Variants in CUL5 observed in about 807,000 individuals in gnomAD.
CUL5 encodes the protein cullin-5.
In CUL5, 26 loss-of-function variants were observed where a neutral mutation model predicts 108.8. The ratio of observed to expected loss-of-function variants is 0.24; its 90% confidence interval spans 0.18 to 0.33. CUL5 has a LOEUF of 0.33. CUL5 is among the 10% of genes least tolerant of loss of function. The pLI is 1.00. For missense variants in CUL5, 524 were observed against 909.2 expected, an observed-to-expected ratio of 0.58 and a Z score of 5.45; for synonymous variants, 334 against 298.0, an observed-to-expected ratio of 1.12 and a Z score of -1.25.
At chr11:108,078,024 C>T in intron 10 of CUL5, 152 bp from the exon 11 acceptor site, 1 of 485,356 alleles carries the variant, frequency 2.1e-6, no homozygotes, top group East Asian at 3.6e-5. Flanking sequence ...TGACAAAGAA[C>T]TTGCTAAAGT....
rs1215086602 is a variant in CUL5 at position 108,009,080 on chromosome 11, C to T, written c.-269C>T. 1.1e-5 allele frequency: 6 copies of T among 543,752 alleles called. No homozygotes were observed. Among genetic ancestry groups the T allele is most frequent in the Non-Finnish European group, 3.3e-6 (1 of 305,090 alleles). The allele number at this position is 543,752 out of a possible 1,614,324, so 33.7% of individuals were successfully genotyped here. ...AAGTCAGGTCGGCTCCCGTTACCTT[C>T]TCAGCATTCGCCGTTCCGGTCTTCC... is the stretch of plus-strand genomic sequence containing the variant. On this transcript the variant is annotated 5_prime_UTR_variant, in exon 1 of 19. Transcript: ENST00000393094.
intron 10 of CUL5, among the ~76,000 whole-genome samples, chr11:108,075,947 T>C (rs553604762): frequency 5.6e-4 from 85 of 152,174 alleles, no homozygotes; most frequent in Non-Finnish European, 1.0e-3. Context: ...TTTTCTTGTT[T>C]TGTTTTGTTT....
At chr11:108,101,001 C>G (rs548928836) in intron 18 of CUL5, among the ~76,000 whole-genome samples, 37 of 152,220 alleles carry the variant, frequency 2.4e-4, no homozygotes, top group African/African-American at 7.7e-4. Context: ...TGCACTCCAG[C>G]CTGGCAACAG....
intron 3 of CUL5, among the ~76,000 whole-genome samples, 157 bp from the exon 4 acceptor site, chr11:108,049,723 AACATTCGTGT>A (rs1355392089): frequency 8.1e-4 from 123 of 152,296 alleles, no homozygotes; most frequent in African/African-American, 1.7e-3. Flanking sequence ...TGCTGCTGTG[AACATTCGTGT>A]ACAAGTTTTT....
At chr11:108,071,972 T>G (rs1863835671) in intron 8 of CUL5, among the ~76,000 whole-genome samples, 1 of 151,908 alleles carries the variant, frequency 6.6e-6, no homozygotes, top group Non-Finnish European at 1.5e-5. Flanking sequence ...AGCCCCGAAG[T>G]TTGAGACCAG....
intron 11 of CUL5, chr11:108,085,116 A>G (rs1864187379): frequency 6.6e-6 from 1 of 152,280 alleles, no homozygotes; most frequent in Non-Finnish European, 1.5e-5. Flanking sequence ...ATTCAGAAAC[A>G]TGCTCATAAA....
intron 7 of CUL5, among the ~76,000 whole-genome samples, chr11:108,055,836 G>T (rs1339789751): frequency 6.6e-6 from 1 of 152,152 alleles, no homozygotes. Context: ...TCACCTTGCT[G>T]CCCAGGCTGA....
In CUL5 at chr11:108,074,531, G is replaced by T. The variant is rs147098920; in HGVS notation, c.1113+1034G>T. On this transcript the variant is annotated intron_variant, in intron 10 of 18. Coordinates refer to ENST00000393094, the MANE Select transcript of CUL5 (RefSeq NM_003478.6). ...ATTTTAAAACAAGTAAATAGGCCAG[G>T]TGCAGTGGCTCACGCCTGTAACCAG... Among the ~76,000 whole-genome samples the T allele has an allele frequency of 2.3e-3, 351 of 152,056 alleles. 3 individuals carry two copies. Among genetic ancestry groups the T allele is most frequent in the African/African-American group, 8.0e-3 (330 of 41,488 alleles).
chr11:108,066,611 A>G lies in CUL5; in HGVS notation c.781-3485A>G, dbSNP rs924380484. ...TGTAATAAAGTAGCTCAGATCATCT[A>G]GCCTTCATCAGTTTCTTCCTATTTG... is the stretch of plus-strand genomic sequence containing the variant. On this transcript the variant is annotated intron_variant, in intron 7 of 18. Coordinates refer to ENST00000393094, the MANE Select transcript of CUL5 (RefSeq NM_003478.6). Among the ~76,000 whole-genome samples the G allele has an allele frequency of 4.6e-5, 7 of 152,152 alleles. 1 individual carries two copies. The highest frequency in any genetic ancestry group is 3.3e-4 in the Admixed American group (5 of 15,278).
chr11:108,083,071 T>C (rs1864135863), intron 11 of CUL5, among the ~76,000 whole-genome samples: 1 of 152,246 alleles, frequency 6.6e-6, no homozygotes, highest in Non-Finnish European at 1.5e-5. Context: ...TACTTCTTCC[T>C]TTCCAGTTTG....
chr11:108,014,347 C>G (rs754058003), intron 1 of CUL5, among the ~76,000 whole-genome samples: 5 of 152,002 alleles, frequency 3.3e-5, no homozygotes, highest in African/African-American at 4.8e-5. Flanking sequence ...GGGATTGTTG[C>G]AGCATAGAAA....
chr11:108,056,768 A>C (rs969142679), intron 7 of CUL5, among the ~76,000 whole-genome samples: 11 of 152,208 alleles, frequency 7.2e-5, no homozygotes, highest in Admixed American at 6.6e-4. Context: ...TATTAGGCAG[A>C]CCAAGTAGAG....
chr11:108,088,499 C>T lies in CUL5; in HGVS notation c.1179-28C>T, dbSNP rs565488471. The T allele has an allele frequency of 2.3e-5, 36 of 1,567,692 alleles. No homozygotes were observed. The South Asian group carries it at 3.9e-4, about 17-fold the overall frequency. On this transcript the variant is annotated intron_variant, in intron 11 of 18. Coordinates refer to ENST00000393094, the MANE Select transcript of CUL5 (RefSeq NM_003478.6). ...TAATTGCAAACATTAATCATTTTTC[C>T]ATCAACTGCTTTTAATTTGTTTTTT...
At chr11:108,076,632 T>C (rs927020409) in intron 10 of CUL5, among the ~76,000 whole-genome samples, 5 of 152,196 alleles carry the variant, frequency 3.3e-5, no homozygotes, top group African/African-American at 1.2e-4. Flanking sequence ...GACGCTGAGG[T>C]TGTGTCCATA....
At chr11:108,082,782 AC>A (rs1039820873) in intron 11 of CUL5, among the ~76,000 whole-genome samples, 5 of 150,266 alleles carry the variant, frequency 3.3e-5, no homozygotes, top group African/African-American at 9.8e-5. Context: ...TAAGGGCCAT[AC>A]CACCATGCCC....
intron 7 of CUL5, among the ~76,000 whole-genome samples, chr11:108,058,771 T>C (rs767912682): frequency 6.6e-6 from 1 of 152,158 alleles, no homozygotes; most frequent in Non-Finnish European, 1.5e-5. Flanking sequence ...CTTACAGTTT[T>C]ATTTTTACTT....
intron 7 of CUL5, among the ~76,000 whole-genome samples, chr11:108,064,625 G>C (rs1192440383): frequency 6.6e-6 from 1 of 152,120 alleles, no homozygotes; most frequent in Non-Finnish European, 1.5e-5. Context: ...CAGGAGAGTT[G>C]CTTGAACTTG....
chr11:108,103,872 A>G (rs1013810948), intron 18 of CUL5, among the ~76,000 whole-genome samples: 3 of 152,136 alleles, frequency 2.0e-5, no homozygotes, highest in Non-Finnish European at 4.4e-5. Flanking sequence ...GGTTTGTTAC[A>G]TGGGTATACA....
In CUL5 at chr11:108,009,304, G is replaced by C; in HGVS notation, c.-45G>C. ...CTCCGGTCAAGGCCTGGCCGGGAGC[G>C]CCACGAATTCTCGCGTCGTCTCGCG... On this transcript the variant is annotated 5_prime_UTR_variant, in exon 1 of 19. Transcript: ENST00000393094. 6.2e-7 allele frequency: 1 copy of C among 1,611,154 alleles called. No individual in the cohort carries two copies.
Sources: allele counts gnomAD v4.1 joint callset (sites outside exome capture counted in the v4.1 genomes callset), GRCh38; gene constraint gnomAD v4.1.1; transcripts MANE v1.5; gene names NCBI Gene and HGNC (gene_info 2026-07-23, HGNC 2026-07-21).